The following DGKB variants were observed in gnomAD, a reference collection of about 807,000 sequenced individuals.
DGKB encodes diacylglycerol kinase beta, also known as 90 kDa diacylglycerol kinase.
A neutral mutation model predicts 114.3 loss-of-function variants in DGKB; 67 were observed. The observed-to-expected ratio is 0.59, with a 90% CI of 0.48 to 0.72. The LOEUF (loss-of-function observed/expected upper bound fraction) is 0.72. DGKB is among the 30% of genes least tolerant of loss of function. The probability of loss-of-function intolerance (pLI) is 0.00; values close to 1 mark genes in which losing one functional copy is unlikely to be tolerated. For synonymous variants in DGKB, 398 were observed against 323.1 expected, an observed-to-expected ratio of 1.23 and a Z score of -2.49; for missense variants, 907 against 975.2, an observed-to-expected ratio of 0.93 and a Z score of 0.93.
At chr7:14,691,098 A>G (rs755695583) in intron 9 of DGKB, among the ~76,000 whole-genome samples, 3 of 152,230 alleles carry the variant, frequency 2.0e-5, no homozygotes, top group Non-Finnish European at 2.9e-5. Context: ...CAAAATAGAT[A>G]TTCTTTAAAA....
At chr7:14,270,236 G>C (rs554995725) in intron 23 of DGKB, among the ~76,000 whole-genome samples, 2 of 152,144 alleles carry the variant, frequency 1.3e-5, no homozygotes, top group South Asian at 4.2e-4. Flanking sequence ...CGTTTCTCGA[G>C]GCATCTCCAT....
At chr7:14,210,673 C>T (rs192986681) in intron 23 of DGKB, among the ~76,000 whole-genome samples, 1 of 152,162 alleles carries the variant, frequency 6.6e-6, no homozygotes, top group East Asian at 1.9e-4. Context: ...TGTCCAACAA[C>T]ACAAAGATTA....
intron 1 of DGKB, among the ~76,000 whole-genome samples, chr7:14,861,331 CT>C (rs1206775902): frequency 1.3e-5 from 2 of 150,082 alleles, no homozygotes; most frequent in Non-Finnish European, 3.0e-5. Flanking sequence ...TAAAATATGA[CT>C]TTCAATATAA....
intron 20 of DGKB, among the ~76,000 whole-genome samples, chr7:14,542,299 G>A (rs894188702): frequency 6.6e-6 from 1 of 152,082 alleles, no homozygotes; most frequent in Non-Finnish European, 1.5e-5. Context: ...GCTGGTGCAA[G>A]CCAGGTGCTC....
intron 23 of DGKB, among the ~76,000 whole-genome samples, chr7:14,235,493 A>C (rs780168536): frequency 6.6e-6 from 1 of 152,082 alleles, no homozygotes; most frequent in Non-Finnish European, 1.5e-5. Context: ...GTGGATATCA[A>C]TTTTATCAGA....
chr7:14,705,400 T>C (rs1024853595), intron 6 of DGKB, among the ~76,000 whole-genome samples: 1 of 150,644 alleles, frequency 6.6e-6, no homozygotes, highest in African/African-American at 2.4e-5. Context: ...CTCTGCAGGA[T>C]ATTATCCAGG....
chr7:14,925,866 C>A (rs541377859), intron 1 of DGKB, among the ~76,000 whole-genome samples: 1,490 of 80,386 alleles, frequency 0.019, 21 homozygotes, highest in African/African-American at 0.063. Context: ...ATAATTGGGT[C>A]CCCCCCCCAC....
upstream of DGKB, among the ~76,000 whole-genome samples, chr7:14,906,442 T>C (rs556671010): frequency 2.2e-4 from 30 of 137,710 alleles, 5 homozygotes; most frequent in East Asian, 7.7e-3. Context: ...TTTTCTTTTT[T>C]CTGTCTTTTT....
At chr7:14,576,375 A>G (rs563970526) in intron 19 of DGKB, among the ~76,000 whole-genome samples, 1 of 151,952 alleles carries the variant, frequency 6.6e-6, no homozygotes, top group African/African-American at 2.4e-5. Flanking sequence ...TTTAAGAAGT[A>G]TAAGTAATAG....
chr7:14,968,278 G>A (rs1428041812), intron 1 of DGKB, among the ~76,000 whole-genome samples: 2 of 151,698 alleles, frequency 1.3e-5, no homozygotes, highest in East Asian at 3.9e-4. Context: ...TCTAACTTGA[G>A]GCTTTAGAAC....
chr7:14,430,474 AT>A, intron 21 of DGKB, among the ~76,000 whole-genome samples: 1 of 152,280 alleles, frequency 6.6e-6, no homozygotes, highest in African/African-American at 2.4e-5. Flanking sequence ...TGGTCCATTA[AT>A]TTTATCCAGG....
At chr7:14,319,650 T>C (rs184456214) in intron 23 of DGKB, among the ~76,000 whole-genome samples, 36 of 152,292 alleles carry the variant, frequency 2.4e-4, no homozygotes, top group Non-Finnish European at 2.9e-5. Context: ...CTAATTGGGC[T>C]AGATGAGCAA....
In DGKB at chr7:14,395,069, C is replaced by G. The variant is rs529098085; in HGVS notation, c.1836-49678G>C. The stretch of plus-strand genomic sequence containing the variant: ...AATAGACTCCTAATCAACATATTAT[C>G]GATCCTTCATTTTTGTCAAGGTTAT... On this transcript the variant is annotated intron_variant, in intron 21 of 25. Transcript: ENST00000402815. Among the ~76,000 whole-genome samples, 5 of 152,140 alleles carry G rather than the reference C, an allele frequency of 3.3e-5. No individual in the cohort carries two copies. The South Asian group carries it at 8.3e-4, about 25-fold the overall frequency.
intron 1 of DGKB, among the ~76,000 whole-genome samples, chr7:14,943,955 G>A (rs951599268): frequency 6.6e-6 from 1 of 151,714 alleles, no homozygotes; most frequent in African/African-American, 2.4e-5. Context: ...TACCCTACGA[G>A]GCTATTTCTC....
intron 12 of DGKB, among the ~76,000 whole-genome samples, chr7:14,674,264 T>TA (rs1441994291): frequency 6.6e-6 from 1 of 152,088 alleles, no homozygotes; most frequent in Non-Finnish European, 1.5e-5. Context: ...AACTTCTCTA[T>TA]AAAAAAGTGA....
intron 13 of DGKB, among the ~76,000 whole-genome samples, chr7:14,652,906 G>C (rs1814897023): frequency 6.6e-6 from 1 of 152,038 alleles, no homozygotes; most frequent in Non-Finnish European, 1.5e-5. Flanking sequence ...ATGAAAAAAT[G>C]CTCATCATCA....
intron 23 of DGKB, among the ~76,000 whole-genome samples, chr7:14,257,835 T>C (rs766202839): frequency 3.3e-5 from 5 of 152,154 alleles, no homozygotes; most frequent in African/African-American, 4.8e-5. Flanking sequence ...CAAGCAATTC[T>C]CCTGTCTCAG....
chr7:14,318,624 A>C (rs1807106358), intron 23 of DGKB, among the ~76,000 whole-genome samples: 1 of 152,084 alleles, frequency 6.6e-6, no homozygotes. Flanking sequence ...AATCATTAAA[A>C]AGTCAGGAAA....
chr7:14,623,773 T>G (rs1288473838), intron 14 of DGKB, among the ~76,000 whole-genome samples: 1 of 152,184 alleles, frequency 6.6e-6, no homozygotes, highest in African/African-American at 2.4e-5. Flanking sequence ...TTCCTTCTTT[T>G]TAAGTTTGCA....
Sources: allele counts gnomAD v4.1 joint callset (sites outside exome capture counted in the v4.1 genomes callset), GRCh38; gene constraint gnomAD v4.1.1; transcripts MANE v1.5; gene names NCBI Gene and HGNC (gene_info 2026-07-23, HGNC 2026-07-21).